ADAMTSL1: variants seen among roughly 807,000 people sequenced by gnomAD.
The protein encoded by ADAMTSL1 is ADAMTS like 1.
In ADAMTSL1, 126 loss-of-function variants were observed where a neutral mutation model predicts 201.8. The observed-to-expected ratio is 0.62, with a 90% confidence interval of 0.54 to 0.72. The LOEUF (loss-of-function observed/expected upper bound fraction) is 0.72, where lower values mean the gene tolerates loss of function less well. ADAMTSL1 is among the 30% of genes least tolerant of loss of function. ADAMTSL1 has a pLI of 0.00. For missense variants in ADAMTSL1, 2,679 were observed against 2,277.8 expected (o/e 1.18, Z -3.59); for synonymous variants, 1,121 against 903.4 (o/e 1.24, Z -4.32).
chr9:18,457,405 C>T (rs1046741822), intron 2 of ADAMTSL1, among the ~76,000 whole-genome samples: 1 of 152,170 alleles, frequency 6.6e-6, no homozygotes, highest in Non-Finnish European at 1.5e-5. Context: ...GATCATGGCT[C>T]ACTGCAGCCT....
intron 4 of ADAMTSL1, among the ~76,000 whole-genome samples, chr9:18,580,533 T>C (rs900556399): frequency 1.6e-4 from 24 of 152,222 alleles, no homozygotes; most frequent in Non-Finnish European, 1.2e-4. Flanking sequence ...TTTCTTATTC[T>C]GCTCTTTTCA....
intron 2 of ADAMTSL1, among the ~76,000 whole-genome samples, chr9:18,207,415 C>A (rs1829697255): frequency 6.6e-6 from 1 of 152,082 alleles, no homozygotes; most frequent in Admixed American, 6.6e-5. Flanking sequence ...CTAAAATCAC[C>A]CATCCAGTTA....
At chr9:18,587,004 A>T (rs1823540838) in intron 4 of ADAMTSL1, among the ~76,000 whole-genome samples, 1 of 152,190 alleles carries the variant, frequency 6.6e-6, no homozygotes, top group Non-Finnish European at 1.5e-5. Context: ...ACTGTGGAAG[A>T]CAACGTAGGC....
chr9:18,144,062 C>A (rs1156999647), intron 1 of ADAMTSL1, among the ~76,000 whole-genome samples: 1 of 152,150 alleles, frequency 6.6e-6, no homozygotes, highest in Admixed American at 6.5e-5. Context: ...ATCTTCAGAA[C>A]ACATGAAGAA....
At chr9:18,844,085 T>C (rs1287754317) in intron 23 of ADAMTSL1, among the ~76,000 whole-genome samples, 3 of 152,240 alleles carry the variant, frequency 2.0e-5, no homozygotes, top group Non-Finnish European at 2.9e-5. Context: ...TGAGGAGCTG[T>C]GTTCCTTTGG....
At chr9:18,147,490 A>G (rs762965925) in intron 1 of ADAMTSL1, among the ~76,000 whole-genome samples, 5 of 151,986 alleles carry the variant, frequency 3.3e-5, no homozygotes, top group Non-Finnish European at 5.9e-5. Flanking sequence ...TGCAGCATCT[A>G]TTTGCATTAT....
chr9:18,268,298 C>CT (rs1832219500), intron 2 of ADAMTSL1, among the ~76,000 whole-genome samples: 1 of 152,172 alleles, frequency 6.6e-6, no homozygotes, highest in South Asian at 2.1e-4. Context: ...AAATAACCCC[C>CT]TTTTGGGGCA....
intron 2 of ADAMTSL1, among the ~76,000 whole-genome samples, chr9:18,204,686 C>T (rs964738420): frequency 6.6e-6 from 1 of 151,994 alleles, no homozygotes; most frequent in Non-Finnish European, 1.5e-5. Flanking sequence ...TTGCCAGCAG[C>T]CTTATAGTGT....
At chr9:18,455,104 T>G (rs547888037) in intron 2 of ADAMTSL1, among the ~76,000 whole-genome samples, 1 of 152,316 alleles carries the variant, frequency 6.6e-6, no homozygotes, top group East Asian at 1.9e-4. Flanking sequence ...TTTATATTTA[T>G]TGAAAACTGT....
intron 1 of ADAMTSL1, among the ~76,000 whole-genome samples, chr9:18,059,483 A>G (rs959958474): frequency 2.0e-5 from 3 of 152,174 alleles, no homozygotes; most frequent in Non-Finnish European, 4.4e-5. Context: ...AAGCCTGGTA[A>G]CACTTTGGTG....
At chr9:18,521,950 G>C (rs1325463729) in intron 2 of ADAMTSL1, among the ~76,000 whole-genome samples, 1 of 152,130 alleles carries the variant, frequency 6.6e-6, no homozygotes, top group African/African-American at 2.4e-5. Context: ...CTTATGCACA[G>C]ACTCCAGTTC....
rs1308298664 is a variant in ADAMTSL1 at position 18,864,380 on chromosome 9, A to G, written c.4250-23451A>G. Among the ~76,000 whole-genome samples, 3 of 152,198 alleles carry G rather than the reference A, an allele frequency of 2.0e-5. No homozygotes were observed. The East Asian group carries it at 5.8e-4, about 29-fold the overall frequency. On this transcript the variant is annotated intron_variant, in intron 23 of 28. Coordinates refer to ENST00000380548, the MANE Select transcript of ADAMTSL1 (RefSeq NM_001040272.6). Reference sequence around the variant, plus strand: ...GAACTTTGGCTGTGTGGCTCACTCAAAGTGACTGGCAGCTAATGAATGCCT... The same window carrying G: ...GAACTTTGGCTGTGTGGCTCACTCAGAGTGACTGGCAGCTAATGAATGCCT...
At chr9:18,897,673 C>T (rs987039884) in intron 26 of ADAMTSL1, among the ~76,000 whole-genome samples, 8 of 152,094 alleles carry the variant, frequency 5.3e-5, no homozygotes, top group Admixed American at 1.3e-4. Context: ...ACATCATCAA[C>T]GAAAAAGACC....
At chr9:18,331,032 C>A (rs1451252892) in intron 2 of ADAMTSL1, among the ~76,000 whole-genome samples, 1 of 152,056 alleles carries the variant, frequency 6.6e-6, no homozygotes, top group East Asian at 1.9e-4. Context: ...ATAGTCAGGG[C>A]ATATTTCACG....
intron 19 of ADAMTSL1, among the ~76,000 whole-genome samples, chr9:18,785,394 T>TA (rs1437327268): frequency 6.6e-6 from 1 of 152,222 alleles, no homozygotes; most frequent in Admixed American, 6.5e-5. Context: ...GCTTTAAAGA[T>TA]AGCCTTTTCT....
intron 20 of ADAMTSL1, among the ~76,000 whole-genome samples, chr9:18,815,016 T>C (rs1421016589): frequency 6.6e-6 from 1 of 152,182 alleles, no homozygotes; most frequent in African/African-American, 2.4e-5. Context: ...GATATCACCT[T>C]ACCTCTATTA....
intron 2 of ADAMTSL1, among the ~76,000 whole-genome samples, chr9:18,216,105 C>G (rs1452363688): frequency 6.6e-6 from 1 of 152,172 alleles, no homozygotes; most frequent in African/African-American, 2.4e-5. Flanking sequence ...ATTACTTGAA[C>G]CAAGATATGT....
chr9:18,169,922 A>G (rs1476824089), intron 2 of ADAMTSL1, among the ~76,000 whole-genome samples: 1 of 152,002 alleles, frequency 6.6e-6, no homozygotes, highest in African/African-American at 2.4e-5. Flanking sequence ...GTTTTTTGGA[A>G]TGCTCACAAC....
chr9:18,648,782 T>C (rs954117742), intron 7 of ADAMTSL1, among the ~76,000 whole-genome samples: 1 of 152,070 alleles, frequency 6.6e-6, no homozygotes, highest in Non-Finnish European at 1.5e-5. Context: ...GGCTTCCCTT[T>C]GTGGGTAACC....
Sources: allele counts gnomAD v4.1 joint callset (sites outside exome capture counted in the v4.1 genomes callset), GRCh38; gene constraint gnomAD v4.1.1; transcripts MANE v1.5; gene names NCBI Gene and HGNC (gene_info 2026-07-23, HGNC 2026-07-21).